LOC128092252: variants seen among roughly 807,000 people sequenced by gnomAD.
the LOC128092252 span, among the ~76,000 whole-genome samples, chr15:50,668,500 ATTTG>A: frequency 6.6e-6 from 1 of 151,900 alleles, no homozygotes; most frequent in African/African-American, 2.4e-5. Flanking sequence ...ATGGCAATAG[ATTTG>A]TTTTTGTTTT....
chr15:50,681,146 G>C, the LOC128092252 span, among the ~76,000 whole-genome samples: 1 of 152,064 alleles, frequency 6.6e-6, no homozygotes, highest in African/African-American at 2.4e-5. Context: ...AGCTACTCAG[G>C]AGGCTGAGGC....
chr15:50,654,973 C>T, the LOC128092252 span, among the ~76,000 whole-genome samples: 3 of 131,446 alleles, frequency 2.3e-5, no homozygotes, highest in Non-Finnish European at 4.7e-5. Context: ...TGCACTCCAG[C>T]GTGGGCGACA....
chr15:50,658,261 T>G, the LOC128092252 span, among the ~76,000 whole-genome samples: 1 of 152,026 alleles, frequency 6.6e-6, no homozygotes. Context: ...TGCCTCGGCC[T>G]CCCAAAGTGC....
At chr15:50,652,474 C>T in the LOC128092252 span, among the ~76,000 whole-genome samples, 1 of 135,994 alleles carries the variant, frequency 7.4e-6, no homozygotes, top group African/African-American at 2.8e-5. Flanking sequence ...AAAAACTGAA[C>T]AGGAAAATAA....
the LOC128092252 span, among the ~76,000 whole-genome samples, chr15:50,667,598 T>C: frequency 6.6e-6 from 1 of 152,120 alleles, no homozygotes; most frequent in Non-Finnish European, 1.5e-5. Context: ...TCCCAGCTGC[T>C]AGGGAAGCTG....
At chr15:50,656,766 T>C in the LOC128092252 span, among the ~76,000 whole-genome samples, 1 of 152,116 alleles carries the variant, frequency 6.6e-6, no homozygotes, top group African/African-American at 2.4e-5. Flanking sequence ...CTCTTATACT[T>C]CCTCATCAGA....
the LOC128092252 span, among the ~76,000 whole-genome samples, chr15:50,678,920 C>G: frequency 6.6e-6 from 1 of 152,150 alleles, no homozygotes; most frequent in Non-Finnish European, 1.5e-5. Context: ...GTCACCCAGG[C>G]TGGAGTGCAA....
chr15:50,648,995 TTA>T, the LOC128092252 span: 1 of 712,588 alleles, frequency 1.4e-6, no homozygotes, highest in Admixed American at 3.6e-5. Context: ...TTTTTATATT[TTA>T]TATAAGTATA....
the LOC128092252 span, among the ~76,000 whole-genome samples, chr15:50,684,271 G>A: frequency 6.6e-6 from 1 of 151,660 alleles, no homozygotes; most frequent in Admixed American, 6.6e-5. Context: ...TCCTGCCTTA[G>A]CCTCCTGAGT....
the LOC128092252 span, among the ~76,000 whole-genome samples, chr15:50,657,530 A>G: frequency 6.6e-6 from 1 of 151,984 alleles, no homozygotes; most frequent in Non-Finnish European, 1.5e-5. Context: ...CTTCCCATAC[A>G]CTGCTCTCGC....
chr15:50,666,918 C>A, the LOC128092252 span, among the ~76,000 whole-genome samples: 2 of 152,082 alleles, frequency 1.3e-5, no homozygotes, highest in African/African-American at 4.8e-5. Context: ...CTGGAGTAGC[C>A]ATTCTTCTGT....
chr15:50,680,015 C>T, the LOC128092252 span, among the ~76,000 whole-genome samples: 1 of 152,044 alleles, frequency 6.6e-6, no homozygotes, highest in Non-Finnish European at 1.5e-5. Flanking sequence ...GGGTGGATCA[C>T]TTGAGGTCAG....
At chr15:50,679,293 T>C in the LOC128092252 span, among the ~76,000 whole-genome samples, 148,303 of 149,360 alleles carry the variant, frequency 0.99, 73,640 homozygotes, top group Middle Eastern at 1. Context: ...CATGATGATG[T>C]CACTGCACTC....
At chr15:50,649,720 C>T in the LOC128092252 span, among the ~76,000 whole-genome samples, 2 of 152,034 alleles carry the variant, frequency 1.3e-5, no homozygotes, top group African/African-American at 4.8e-5. Flanking sequence ...GACTATAACA[C>T]CATAAGTAGG....
chr15:50,659,795 G>C, the LOC128092252 span, among the ~76,000 whole-genome samples: 8 of 151,972 alleles, frequency 5.3e-5, no homozygotes, highest in Non-Finnish European at 1.0e-4. Context: ...AGCCTCCCAA[G>C]TAGCTGGGAT....
chr15:50,686,518 G>A, the LOC128092252 span: 2 of 1,613,812 alleles, frequency 1.2e-6, no homozygotes, highest in East Asian at 2.2e-5. Flanking sequence ...CCGGGCCTGC[G>A]TGGGTCCAGT....
chr15:50,651,575 T>C, the LOC128092252 span, among the ~76,000 whole-genome samples: 5 of 151,948 alleles, frequency 3.3e-5, no homozygotes, highest in Admixed American at 6.6e-5. Flanking sequence ...GGCAGGTGGA[T>C]TGCTTAAGCC....
chr15:50,657,760 G>A, the LOC128092252 span: 2 of 1,608,042 alleles, frequency 1.2e-6, no homozygotes, highest in African/African-American at 1.3e-5. Context: ...AATTTGTGCG[G>A]TATAGTTATG....
At chr15:50,678,287 A>C in the LOC128092252 span, among the ~76,000 whole-genome samples, 1 of 150,626 alleles carries the variant, frequency 6.6e-6, no homozygotes, top group African/African-American at 2.4e-5. Context: ...AAAAACCAAC[A>C]CCTAGAAATT....
Sources: allele counts gnomAD v4.1 joint callset (sites outside exome capture counted in the v4.1 genomes callset), GRCh38; gene constraint gnomAD v4.1.1; transcripts MANE v1.5.